RB1: variants seen among roughly 807,000 people sequenced by gnomAD.
The protein encoded by RB1 is RB transcriptional corepressor 1, also known as retinoblastoma-associated protein.
In RB1, 18 loss-of-function variants were observed where a neutral mutation model predicts 135.4. The observed-to-expected ratio is 0.13, with a 90% confidence interval of 0.09 to 0.20. The LOEUF (loss-of-function observed/expected upper bound fraction) is 0.20. RB1 is among the 10% of genes least tolerant of loss of function. RB1 has a pLI of 1.00. For synonymous variants in RB1, 365 were observed against 373.2 expected (o/e 0.98, Z 0.25); for missense variants, 868 against 1,110.0 (o/e 0.78, Z 3.10).
intron 7 of RB1, among the ~76,000 whole-genome samples, chr13:48,362,575 T>C (rs1952653224): frequency 1.3e-5 from 2 of 152,194 alleles, no homozygotes; most frequent in African/African-American, 4.8e-5. Flanking sequence ...TGTATTTGTT[T>C]ATGAGACTGT....
intron 2 of RB1, among the ~76,000 whole-genome samples, chr13:48,338,148 T>A (rs1177974880): frequency 2.0e-5 from 3 of 152,210 alleles, no homozygotes; most frequent in Non-Finnish European, 2.9e-5. Context: ...AATCTGACAA[T>A]TATGTGTCCT....
At chr13:48,461,605 C>T (rs1949405660) in intron 20 of RB1, among the ~76,000 whole-genome samples, 1 of 152,036 alleles carries the variant, frequency 6.6e-6, no homozygotes, top group Non-Finnish European at 1.5e-5. Flanking sequence ...TTTTACATGC[C>T]TACCAATAAT....
At chr13:48,461,722 G>T (rs1407963016) in intron 20 of RB1, among the ~76,000 whole-genome samples, 1 of 151,642 alleles carries the variant, frequency 6.6e-6, no homozygotes, top group African/African-American at 2.4e-5. Flanking sequence ...GGTTTGATTT[G>T]CATTTCTCTG....
At chr13:48,316,859 G>T in intron 2 of RB1, 2 of 317,382 alleles carry the variant, frequency 6.3e-6, no homozygotes, top group South Asian at 1.1e-4. Context: ...CGAGGGCTTA[G>T]ACCTTCACTG....
chr13:48,314,297 A>T (rs965893565), intron 2 of RB1, among the ~76,000 whole-genome samples: 1 of 152,204 alleles, frequency 6.6e-6, no homozygotes, highest in African/African-American at 2.4e-5. Flanking sequence ...GGAATATTGC[A>T]TTCTTAACAA....
At chr13:48,358,314 G>T (rs1645606466) in intron 6 of RB1, among the ~76,000 whole-genome samples, 2 of 151,818 alleles carry the variant, frequency 1.3e-5, no homozygotes, top group African/African-American at 2.4e-5. Flanking sequence ...CCCTCGTATT[G>T]CTGGGACTGT....
At chr13:48,368,790 G>A (rs1446863945) in intron 11 of RB1, among the ~76,000 whole-genome samples, 186 bp downstream of exon 11, 4 of 152,186 alleles carry the variant, frequency 2.6e-5, no homozygotes, top group Non-Finnish European at 5.9e-5. Context: ...CAGATCACCT[G>A]AGGTTAGGAG....
In RB1 at chr13:48,338,451, T is replaced by G. The variant is rs1438160648; in HGVS notation, c.265-4148T>G. On this transcript the variant is annotated intron_variant, in intron 2 of 26. Transcript: ENST00000267163. Reference sequence around the variant, plus strand: ...ATTTGATCTTCCATCACTGATACCCTTTCTTCCAGTTGATCGAATCAGCTG... The same window carrying G: ...ATTTGATCTTCCATCACTGATACCCGTTCTTCCAGTTGATCGAATCAGCTG... Among the ~76,000 whole-genome samples the G allele has an allele frequency of 2.6e-5, 4 of 152,244 alleles. No individual in the cohort carries two copies. The East Asian group carries it at 7.7e-4, about 29-fold the overall frequency.
intron 1 of RB1, among the ~76,000 whole-genome samples, chr13:48,306,658 G>T (rs549190034): frequency 1.3e-5 from 2 of 152,194 alleles, no homozygotes; most frequent in Middle Eastern, 3.4e-3. Flanking sequence ...TATGTTTAAG[G>T]TACTTTCTAC....
chr13:48,369,872 TTG>T, intron 11 of RB1, among the ~76,000 whole-genome samples: 1 of 152,320 alleles, frequency 6.6e-6, no homozygotes, highest in South Asian at 2.1e-4. Flanking sequence ...ATAGATTCAT[TTG>T]TGTTTGCTTG....
chr13:48,320,299 A>C (rs1273360581), intron 2 of RB1: 1 of 1,237,084 alleles, frequency 8.1e-7, no homozygotes, highest in African/African-American at 1.5e-5. Context: ...GCCCCGAGCA[A>C]CCCCGCTGCG....
intron 6 of RB1, among the ~76,000 whole-genome samples, chr13:48,356,108 A>C (rs533256881): frequency 1.3e-5 from 2 of 152,196 alleles, no homozygotes; most frequent in African/African-American, 2.4e-5. Context: ...GAGGAGATGG[A>C]TACCCCATTC....
At chr13:48,386,929 C>A (rs950610502) in intron 17 of RB1, among the ~76,000 whole-genome samples, 1 of 152,050 alleles carries the variant, frequency 6.6e-6, no homozygotes, top group African/African-American at 2.4e-5. Context: ...TCTTAAAATA[C>A]GAAAAATTTA....
At chr13:48,339,854 G>T (rs1014173532) in intron 2 of RB1, among the ~76,000 whole-genome samples, 1 of 152,074 alleles carries the variant, frequency 6.6e-6, no homozygotes, top group Non-Finnish European at 1.5e-5. Context: ...TGAATCCAAT[G>T]ACTTTTTTAG....
At position 48,347,779 on chromosome 13, in the gene RB1, TA is replaced by T. The variant is rs1952511035; in HGVS notation, c.501-43del. Reference sequence around the variant, plus strand: ...AGCATGAGAAAACTACTATGACTTCTAAATTACGAAAAAATGTTAAAAAGTC... The same window carrying T: ...AGCATGAGAAAACTACTATGACTTCTAATTACGAAAAAATGTTAAAAAGTC... On this transcript the variant is annotated intron_variant, in intron 4 of 26. Coordinates refer to ENST00000267163, the MANE Select transcript of RB1 (RefSeq NM_000321.3). The T allele has an allele frequency of 3.6e-6, 5 of 1,398,852 alleles. No individual in the cohort carries two copies. The African/African-American group carries it at 4.2e-5, about 12-fold the overall frequency. 86.7% of individuals were successfully genotyped at this position (1,398,852 alleles called of 1,614,324 possible).
At chr13:48,340,150 C>G (rs2138080198) in intron 2 of RB1, among the ~76,000 whole-genome samples, 1 of 152,112 alleles carries the variant, frequency 6.6e-6, no homozygotes, top group African/African-American at 2.4e-5. Context: ...TAAAAACTAA[C>G]CAGAAATGAA....
chr13:48,316,941 C>T, intron 2 of RB1: 1 of 364,474 alleles, frequency 2.7e-6, no homozygotes, highest in South Asian at 3.7e-5. Flanking sequence ...CAAGGCGTGC[C>T]CGCCCAAGGT....
intron 6 of RB1, among the ~76,000 whole-genome samples, chr13:48,356,082 C>T (rs906708790): frequency 6.6e-6 from 1 of 151,994 alleles, no homozygotes; most frequent in African/African-American, 2.4e-5. Context: ...GTTTGTAACT[C>T]AAAGGATAAA....
chr13:48,320,242 T>A (rs1463055570), intron 2 of RB1: 6 of 1,115,762 alleles, frequency 5.4e-6, no homozygotes, highest in Middle Eastern at 3.0e-4. Context: ...GGCAGCTGGC[T>A]TGGCGTCTGC....
Sources: allele counts gnomAD v4.1 joint callset (sites outside exome capture counted in the v4.1 genomes callset), GRCh38; gene constraint gnomAD v4.1.1; transcripts MANE v1.5; gene names NCBI Gene and HGNC (gene_info 2026-07-23, HGNC 2026-07-21).